Variants in EFCAB13 observed in about 807,000 individuals in gnomAD.
EFCAB13 encodes the protein EF-hand calcium-binding domain-containing protein 13.
In EFCAB13, 91 loss-of-function variants were observed where a neutral mutation model predicts 110.2. That is an observed-to-expected ratio of 0.83 (90% CI 0.70 to 0.98). EFCAB13 has a LOEUF of 0.98. Among genes scored for constraint, EFCAB13 ranks in the 50% least tolerant of loss-of-function variants. The pLI, the probability that EFCAB13 is intolerant of heterozygous loss-of-function variation, is 0.00. For missense variants in EFCAB13, 968 were observed against 1,119.4 expected, an observed-to-expected ratio of 0.86 and a Z score of 1.93; for synonymous variants, 323 against 369.9, an observed-to-expected ratio of 0.87 and a Z score of 1.45.
At chr17:47,348,079 G>A in intron 9 of EFCAB13, 128 bp downstream of exon 9, 1 of 723,740 alleles carries the variant, frequency 1.4e-6, no homozygotes, top group Non-Finnish European at 1.9e-6. Context: ...TGGTCATATT[G>A]TATGTTACAA....
intron 14 of EFCAB13, among the ~76,000 whole-genome samples, chr17:47,385,507 T>C (rs113858174): frequency 0.022 from 3,415 of 152,068 alleles, 102 homozygotes; most frequent in East Asian, 0.17. Flanking sequence ...GTCATTTATG[T>C]TCTTCTCTAA....
chr17:47,414,785 T>A (rs1598758453), intron 22 of EFCAB13, 63 bp from the exon 23 acceptor site: 1 of 1,082,402 alleles, frequency 9.2e-7, no homozygotes, highest in East Asian at 2.5e-5. Flanking sequence ...AATCGGTCTT[T>A]ATTTCATGTG....
In EFCAB13 at chr17:47,328,327, G is replaced by C; in HGVS notation, c.-27G>C. 1 of 1,603,148 alleles carries C rather than the reference G, an allele frequency of 6.2e-7. No homozygotes were observed. Among genetic ancestry groups the C allele is most frequent in the East Asian group, 2.2e-5 (1 of 44,680 alleles). On this transcript the variant is annotated 5_prime_UTR_variant, in exon 4 of 25. Coordinates refer to ENST00000331493, the MANE Select transcript of EFCAB13 (RefSeq NM_152347.5). ...GTTCATCAAAGCCTGGAGTCCTTAA[G>C]GACAGAATTTACCTCTAAACAGAAA...
In EFCAB13 at chr17:47,328,003, G is replaced by A. The variant is rs913358267; in HGVS notation, c.-85-266G>A. Reference sequence around the variant, plus strand: ...TTCTCAGGGTTTATTTAAATAAACAGATGTAATTGGATTTCTCAGCTTTGT... The same window carrying A: ...TTCTCAGGGTTTATTTAAATAAACAAATGTAATTGGATTTCTCAGCTTTGT... On this transcript the variant is annotated intron_variant, in intron 3 of 24. Transcript: ENST00000331493. The A allele has an allele frequency of 3.0e-5, 13 of 430,640 alleles. No homozygotes were observed. The Admixed American group carries it at 4.6e-4, about 15-fold the overall frequency. 26.7% of individuals were successfully genotyped at this position (430,640 alleles called of 1,614,324 possible).
intron 4 of EFCAB13, among the ~76,000 whole-genome samples, chr17:47,334,292 C>G (rs2065336816): frequency 6.6e-6 from 1 of 152,030 alleles, no homozygotes; most frequent in Non-Finnish European, 1.5e-5. Context: ...AAGTCTTTAG[C>G]TCATTTTAAA....
intron 17 of EFCAB13, among the ~76,000 whole-genome samples, chr17:47,399,505 A>G (rs1388728654): frequency 6.6e-6 from 1 of 152,106 alleles, no homozygotes; most frequent in Non-Finnish European, 1.5e-5. Flanking sequence ...ATAAAATATT[A>G]AAGTTGAGCT....
At chr17:47,336,020 T>C (rs1236331055) in intron 5 of EFCAB13, among the ~76,000 whole-genome samples, 2 of 152,200 alleles carry the variant, frequency 1.3e-5, no homozygotes. Flanking sequence ...GGAGAACAGT[T>C]ATCCATATGT....
At chr17:47,333,669 A>G (rs975062929) in intron 4 of EFCAB13, among the ~76,000 whole-genome samples, 3 of 152,166 alleles carry the variant, frequency 2.0e-5, no homozygotes, top group Admixed American at 6.6e-5. Context: ...AGTTTTCCCA[A>G]TGCCATTTAT....
chr17:47,379,321 A>G (rs2065633666), intron 14 of EFCAB13, 68 bp downstream of exon 14: 1 of 1,267,944 alleles, frequency 7.9e-7, no homozygotes. Flanking sequence ...ATTAGGTTCA[A>G]CAGAACTGGG....
At chr17:47,340,119 A>T (rs983292362) in intron 5 of EFCAB13, 4 of 152,140 alleles carry the variant, frequency 2.6e-5, no homozygotes, top group African/African-American at 9.7e-5. Flanking sequence ...ATGGTATAAA[A>T]TTATTTTGTC....
intron 10 of EFCAB13, 32 bp from the exon 11 acceptor site, chr17:47,370,405 T>C: frequency 1.4e-6 from 2 of 1,381,542 alleles, no homozygotes; most frequent in Non-Finnish European, 2.1e-6. Flanking sequence ...TGTTCAAAAG[T>C]AAATACAGTA....
At chr17:47,404,067 AAAG>A in intron 19 of EFCAB13, 46 bp downstream of exon 19, 1 of 1,469,384 alleles carries the variant, frequency 6.8e-7, no homozygotes. Context: ...TTGTAGGAGT[AAAG>A]AAGATGTGCA....
chr17:47,328,421 C>G, intron 4 of EFCAB13, 38 bp downstream of exon 4: 1 of 1,500,864 alleles, frequency 6.7e-7, no homozygotes, highest in Non-Finnish European at 9.1e-7. Flanking sequence ...TTTCTTCTTT[C>G]TTCTTTTTAA....
intron 15 of EFCAB13, among the ~76,000 whole-genome samples, chr17:47,393,717 AAAATAAATAAATAAATAAAT>A (rs142944677): frequency 7.0e-6 from 1 of 142,246 alleles, no homozygotes; most frequent in Non-Finnish European, 1.5e-5. Context: ...CTCTTTCTCA[AAAATAAATAAATAAATAAAT>A]AAATAAATAA....
At chr17:47,371,138 C>T (rs1751252459) in intron 11 of EFCAB13, among the ~76,000 whole-genome samples, 1 of 146,130 alleles carries the variant, frequency 6.8e-6, no homozygotes. Context: ...AATCCCTTCT[C>T]AGATGAATAG....
At chr17:47,398,654 C>CA (rs1182182296) in intron 17 of EFCAB13, among the ~76,000 whole-genome samples, 3 of 151,342 alleles carry the variant, frequency 2.0e-5, no homozygotes, top group Admixed American at 2.0e-4. Context: ...TTGAAGGCAG[C>CA]ATGCTCCTTA....
At position 47,440,776 on chromosome 17, in the gene EFCAB13, G is replaced by T; in HGVS notation, c.*62G>T. The T allele has an allele frequency of 7.7e-7, 1 of 1,295,510 alleles. No individual in the cohort carries two copies. The allele number at this position is 1,295,510 out of a possible 1,614,324, so 80.3% of individuals were successfully genotyped here. The stretch of plus-strand genomic sequence containing the variant: ...TATATATTATTCAGTATGCATATTT[G>T]ACTTCTGAAATTATTAGAAAATAAT... On this transcript the variant is annotated 3_prime_UTR_variant, in exon 25 of 25. Transcript: ENST00000331493.
At chr17:47,393,810 G>T (rs902487137) in intron 15 of EFCAB13, among the ~76,000 whole-genome samples, 3 of 151,298 alleles carry the variant, frequency 2.0e-5, no homozygotes, top group Admixed American at 1.3e-4. Context: ...GGGACTGGAA[G>T]AATTTTGACC....
chr17:47,416,797 T>C (rs1331257723), intron 23 of EFCAB13, among the ~76,000 whole-genome samples: 3 of 152,236 alleles, frequency 2.0e-5, no homozygotes, highest in African/African-American at 7.2e-5. Context: ...ATTAGTACAA[T>C]TGACTCTTGA....
Sources: allele counts gnomAD v4.1 joint callset (sites outside exome capture counted in the v4.1 genomes callset), GRCh38; gene constraint gnomAD v4.1.1; transcripts MANE v1.5; gene names NCBI Gene and HGNC (gene_info 2026-07-23, HGNC 2026-07-21).